MERTK: variants seen among roughly 807,000 people sequenced by gnomAD.
MERTK encodes the protein MER proto-oncogene, tyrosine kinase, also known as tyrosine-protein kinase Mer.
In MERTK, 69 loss-of-function variants were observed where a neutral mutation model predicts 99.3. The observed-to-expected ratio is 0.70, with a 90% CI of 0.57 to 0.85. MERTK has a LOEUF of 0.85. MERTK is among the 40% of genes least tolerant of loss of function. MERTK has a pLI of 0.00. For synonymous variants in MERTK, 426 were observed against 467.6 expected (o/e 0.91, Z 1.15); for missense variants, 1,125 against 1,249.4 (o/e 0.90, Z 1.50).
intron 15 of MERTK, among the ~76,000 whole-genome samples, chr2:112,011,415 C>T (rs1323434311): frequency 6.6e-6 from 1 of 152,150 alleles, no homozygotes; most frequent in Non-Finnish European, 1.5e-5. Flanking sequence ...CCAAGTGAAG[C>T]AGTGCCATGG....
chr2:111,938,616 T>C (rs568385450), intron 2 of MERTK, among the ~76,000 whole-genome samples: 68 of 152,300 alleles, frequency 4.5e-4, no homozygotes, highest in Non-Finnish European at 8.1e-4. Context: ...CTGCTGGCCA[T>C]GCAGCTGTAC....
chr2:111,982,883 G>T lies in MERTK; in HGVS notation c.1186G>T (p.Glu396Ter). 6.2e-7 allele frequency: 1 copy of T among 1,614,044 alleles called. No homozygotes were observed. Among genetic ancestry groups the T allele is most frequent in the East Asian group, 2.2e-5 (1 of 44,878 alleles). The change falls in exon 8 of 19, where the codon GAA (glutamate) becomes TAA (stop). Residue 396 changes from glutamate to a stop codon, truncating the protein, a stop_gained. Transcript: ENST00000295408. LOFTEE classifies it high-confidence loss of function. ...TTTAAATGTCACTGTGTTTCTGAAT[G>T]AATCTAGTGATAATGTGGACATCAG... ...APLNVTVFLN[E>*]SSDNVDIRWM...
At chr2:111,979,848 C>A (rs947073775) in intron 7 of MERTK, among the ~76,000 whole-genome samples, 1 of 152,048 alleles carries the variant, frequency 6.6e-6, no homozygotes, top group Non-Finnish European at 1.5e-5. Context: ...TCCCTAGTTC[C>A]CTACACTAGC....
chr2:111,988,593 A>G (rs559159631), intron 8 of MERTK, among the ~76,000 whole-genome samples: 1 of 152,318 alleles, frequency 6.6e-6, no homozygotes, highest in African/African-American at 2.4e-5. Flanking sequence ...GCCACCACTG[A>G]TTACTTGCAG....
chr2:112,007,994 ATGTCT>A (rs1677019063), intron 13 of MERTK, among the ~76,000 whole-genome samples: 1 of 152,002 alleles, frequency 6.6e-6, no homozygotes, highest in Admixed American at 6.6e-5. Flanking sequence ...CCTATTATTA[ATGTCT>A]TTTATTAGTG....
chr2:112,015,063 A>G (rs1034477797), intron 15 of MERTK, among the ~76,000 whole-genome samples: 4 of 152,174 alleles, frequency 2.6e-5, no homozygotes, highest in Non-Finnish European at 4.4e-5. Context: ...GTATGCTTCT[A>G]CCACAGTTTA....
chr2:112,025,789 T>G (rs561279374), intron 18 of MERTK, among the ~76,000 whole-genome samples: 1 of 152,332 alleles, frequency 6.6e-6, no homozygotes, highest in African/African-American at 2.4e-5. Flanking sequence ...ATGATTGCAT[T>G]TAATTGTGAT....
chr2:111,952,829 G>A (rs183055453), intron 4 of MERTK, among the ~76,000 whole-genome samples: 1 of 152,192 alleles, frequency 6.6e-6, no homozygotes, highest in Admixed American at 6.5e-5. Flanking sequence ...CTCCAAAAAG[G>A]CCTTGCAAGT....
chr2:111,964,367 TCG>T (rs1491273409), intron 4 of MERTK, among the ~76,000 whole-genome samples: 15 of 75,192 alleles, frequency 2.0e-4, no homozygotes, highest in African/African-American at 5.9e-4. Context: ...CATCATTGTC[TCG>T]TGTGTGTGTG....
chr2:111,928,029 C>A (rs1684600014), intron 1 of MERTK, among the ~76,000 whole-genome samples: 1 of 152,140 alleles, frequency 6.6e-6, no homozygotes, highest in African/African-American at 2.4e-5. Context: ...CTATTATGAG[C>A]CTTCCCTTGC....
At chr2:111,972,983 T>G (rs1048019180) in intron 6 of MERTK, among the ~76,000 whole-genome samples, 5 of 152,186 alleles carry the variant, frequency 3.3e-5, no homozygotes, top group Non-Finnish European at 7.4e-5. Flanking sequence ...TTGGATGAGA[T>G]TCAGATCCAT....
chr2:112,008,910 T>C, intron 14 of MERTK: 1 of 272,288 alleles, frequency 3.7e-6, no homozygotes, highest in Non-Finnish European at 7.2e-6. Context: ...TACTGATTTC[T>C]TAAGATCATG....
intron 2 of MERTK, among the ~76,000 whole-genome samples, chr2:111,942,645 C>A (rs1423141357): frequency 6.6e-6 from 1 of 152,170 alleles, no homozygotes; most frequent in African/African-American, 2.4e-5. Flanking sequence ...ATCCCTGGGA[C>A]CTCCCCCATG....
intron 2 of MERTK, among the ~76,000 whole-genome samples, chr2:111,939,442 G>T (rs1330075442): frequency 6.6e-6 from 1 of 151,752 alleles, no homozygotes; most frequent in Non-Finnish European, 1.5e-5. Context: ...GTTTTGAAGG[G>T]AATATTCAAG....
chr2:111,977,635 AT>A (rs1292146071), intron 7 of MERTK, among the ~76,000 whole-genome samples: 2 of 151,550 alleles, frequency 1.3e-5, no homozygotes, highest in Non-Finnish European at 2.9e-5. Context: ...ATTTCTTCAC[AT>A]TTTTTTTCTG....
chr2:111,940,940 C>T (rs1006821092), intron 2 of MERTK: 1 of 665,446 alleles, frequency 1.5e-6, no homozygotes, highest in African/African-American at 1.8e-5. Flanking sequence ...TTCTGGTCTT[C>T]AAGCCAAACA....
At chr2:111,954,246 G>T (rs750485476) in intron 4 of MERTK, among the ~76,000 whole-genome samples, 4 of 152,088 alleles carry the variant, frequency 2.6e-5, no homozygotes, top group Non-Finnish European at 5.9e-5. Flanking sequence ...TGAACTTTTC[G>T]CAGGCCCATG....
rs535872139 is a variant in MERTK, at chr2:111,930,910, G to T, written c.482+1370G>T. 4.6e-5 allele frequency among the ~76,000 whole-genome samples: 7 copies of T among 152,204 alleles called. No homozygotes were observed. In the South Asian group the frequency reaches 8.3e-4, roughly 18 times the overall value. Reference sequence around the variant, plus strand: ...TTTTTTTGCATCAGGACTTCGTTGCGTGCACAGTTTTAGAATTGGGTTGGC... The same window carrying T: ...TTTTTTTGCATCAGGACTTCGTTGCTTGCACAGTTTTAGAATTGGGTTGGC... On this transcript the variant is annotated intron_variant, in intron 2 of 18. Coordinates refer to ENST00000295408, the MANE Select transcript of MERTK (RefSeq NM_006343.3).
intron 18 of MERTK, among the ~76,000 whole-genome samples, chr2:112,026,940 A>AT (rs936947141): frequency 6.6e-6 from 1 of 151,838 alleles, no homozygotes; most frequent in Non-Finnish European, 1.5e-5. Flanking sequence ...AATTTGGGTC[A>AT]TTTTTTTGTC....
Sources: allele counts gnomAD v4.1 joint callset (sites outside exome capture counted in the v4.1 genomes callset), GRCh38; gene constraint gnomAD v4.1.1; transcripts MANE v1.5; gene names NCBI Gene and HGNC (gene_info 2026-07-23, HGNC 2026-07-21).